KIAA0825: variants seen among roughly 807,000 people sequenced by gnomAD.
The protein encoded by KIAA0825 is KIAA0825.
KIAA0825 carries 119 observed loss-of-function variants against 147.6 expected under a neutral mutation model. The ratio of observed to expected loss-of-function variants is 0.81; its 90% CI spans 0.69 to 0.94. KIAA0825 has a LOEUF of 0.94. KIAA0825 is among the 40% of genes least tolerant of loss of function. KIAA0825 has a pLI of 0.00. For missense variants in KIAA0825, 1,381 were observed against 1,472.7 expected (o/e 0.94, Z 1.02); for synonymous variants, 470 against 518.1 (o/e 0.91, Z 1.26).
rs140099525 is a variant in KIAA0825 at position 94,398,061 on chromosome 5, G to A, written c.2888-1552C>T. Among the ~76,000 whole-genome samples the A allele has an allele frequency of 2.5e-3, 360 of 143,286 alleles. 2 individuals carry two copies. The highest frequency in any genetic ancestry group is 7.1e-3 in the Middle Eastern group (2 of 280). 94.0% of individuals were successfully genotyped at this position (143,286 alleles called of 152,430 possible). A position where few individuals can be genotyped will look rare whatever the true frequency, so the allele number is the denominator to read the frequency against. ...TTAAATGTTCCTTCATACCTAATCC[G>A]TGATCAGCATTGATATATAGTTCTA... On this transcript the variant is annotated intron_variant, in intron 16 of 20. Coordinates refer to ENST00000682413, the MANE Select transcript of KIAA0825 (RefSeq NM_001145678.3).
intron 3 of KIAA0825, among the ~76,000 whole-genome samples, chr5:94,533,485 C>T (rs1228486794): frequency 2.0e-5 from 3 of 151,698 alleles, no homozygotes; most frequent in Non-Finnish European, 4.4e-5. Flanking sequence ...TCATATTGGC[C>T]AGGCTGGTCT....
chr5:94,582,067 T>G (rs1782290486), intron 2 of KIAA0825, among the ~76,000 whole-genome samples: 1 of 152,242 alleles, frequency 6.6e-6, no homozygotes, highest in African/African-American at 2.4e-5. Flanking sequence ...TTCATTCAAT[T>G]CATTGATTTT....
At chr5:94,365,975 T>C (rs145126941) in intron 20 of KIAA0825, among the ~76,000 whole-genome samples, 1 of 152,294 alleles carries the variant, frequency 6.6e-6, no homozygotes, top group African/African-American at 2.4e-5. Context: ...ACCACCCAGA[T>C]TGATAAACTG....
In KIAA0825 at chr5:94,392,154, A is replaced by T. The variant is rs1299674507; in HGVS notation, c.3297-460T>A. Among the ~76,000 whole-genome samples the T allele has an allele frequency of 2.0e-5, 3 of 152,194 alleles. 1 individual carries two copies. The highest frequency in any genetic ancestry group is 7.2e-5 in the African/African-American group (3 of 41,458). On this transcript the variant is annotated intron_variant, in intron 17 of 20. Coordinates refer to ENST00000682413, the MANE Select transcript of KIAA0825 (RefSeq NM_001145678.3). ...CTGTTGTAGAACACATTGAAGACTA[A>T]TTGAAGTGTCAAAAGGGGGAGCCTA... is the stretch of plus-strand genomic sequence containing the variant.
chr5:94,423,531 G>C (rs1466745607), intron 14 of KIAA0825, among the ~76,000 whole-genome samples: 1 of 152,104 alleles, frequency 6.6e-6, no homozygotes, highest in African/African-American at 2.4e-5. Context: ...CACATACATG[G>C]TACACTAGCA....
At chr5:94,246,208 G>T (rs750242817) in intron 20 of KIAA0825, among the ~76,000 whole-genome samples, 1 of 152,112 alleles carries the variant, frequency 6.6e-6, no homozygotes, top group Non-Finnish European at 1.5e-5. Flanking sequence ...CTGGCAGGAA[G>T]AGGCAAAGCA....
intron 16 of KIAA0825, among the ~76,000 whole-genome samples, chr5:94,400,828 G>T (rs1470679118): frequency 6.6e-6 from 1 of 151,978 alleles, no homozygotes; most frequent in Non-Finnish European, 1.5e-5. Context: ...TAAATCTTCA[G>T]TGTTTTTTAA....
In KIAA0825 at chr5:94,205,268, CATATATAT is replaced by C. The variant is rs5869623; in HGVS notation, c.3711-51152_3711-51145del. ...ACTATGATTTCTGTGACTATTTAAT[CATATATAT>C]ATATATATATATATATATATATATT... is the stretch of plus-strand genomic sequence containing the variant. On this transcript the variant is annotated intron_variant, in intron 20 of 20. Transcript: ENST00000682413. 6.4e-4 allele frequency among the ~76,000 whole-genome samples: 58 copies of C among 90,294 alleles called. 1 individual carries two copies. The highest frequency in any genetic ancestry group is 1.8e-3 in the African/African-American group (40 of 22,400). The allele number at this position is 90,294 out of a possible 152,430, so 59.2% of individuals were successfully genotyped here. A position where few individuals can be genotyped will look rare whatever the true frequency, so the allele number is the denominator to read the frequency against.
chr5:94,171,499 G>T (rs983199000), intron 20 of KIAA0825, among the ~76,000 whole-genome samples: 1 of 152,132 alleles, frequency 6.6e-6, no homozygotes, highest in Non-Finnish European at 1.5e-5. Context: ...TGAGGGTAGA[G>T]ACCTTGTTTA....
At chr5:94,321,078 T>C (rs1780138995) in intron 20 of KIAA0825, among the ~76,000 whole-genome samples, 1 of 152,082 alleles carries the variant, frequency 6.6e-6, no homozygotes, top group Admixed American at 6.6e-5. Flanking sequence ...TTTTACTATT[T>C]GACAGTTTGT....
chr5:94,436,073 G>A (rs903771845), intron 14 of KIAA0825, among the ~76,000 whole-genome samples: 1 of 152,058 alleles, frequency 6.6e-6, no homozygotes, highest in African/African-American at 2.4e-5. Context: ...CATTCTATAG[G>A]TTGTCTGTTT....
At chr5:94,499,595 G>GA (rs201572239) in intron 5 of KIAA0825, among the ~76,000 whole-genome samples, 9,521 of 141,980 alleles carry the variant, frequency 0.067, 566 homozygotes, top group Non-Finnish European at 0.1. Flanking sequence ...TGGGGGGGGG[G>GA]GGGGACCAAG....
chr5:94,392,876 T>G (rs1750091288), intron 17 of KIAA0825, among the ~76,000 whole-genome samples: 2 of 152,192 alleles, frequency 1.3e-5, no homozygotes, highest in Admixed American at 1.3e-4. Flanking sequence ...AATCCTACTT[T>G]GACTTAGAGA....
At chr5:94,280,833 A>C (rs78410815) in intron 20 of KIAA0825, among the ~76,000 whole-genome samples, 42 of 152,192 alleles carry the variant, frequency 2.8e-4, no homozygotes, top group African/African-American at 9.6e-4. Context: ...ACAGGTTTGG[A>C]GTTTGGAAAA....
chr5:94,342,894 C>T lies in KIAA0825; in HGVS notation c.3710+41474G>A, dbSNP rs903211134. ...GTCAAAAAATGTTCTAGTAAAATTA[C>T]TAGAATAAGTGAGTTGAGCAAAGAC... On this transcript the variant is annotated intron_variant, in intron 20 of 20. Transcript: ENST00000682413. 2.0e-5 allele frequency among the ~76,000 whole-genome samples: 3 copies of T among 151,980 alleles called. No individual in the cohort carries two copies. The East Asian group carries it at 5.8e-4, about 29-fold the overall frequency.
rs1279921623 is a variant in KIAA0825 at position 94,484,869 on chromosome 5, G to C, written c.1032C>G (p.Phe344Leu). The part of the protein sequence containing the change: ...NFSLPLDKVE[F>L]LSQLIKSFMK... ...TAAAGGATTTTATGAGCTGCGATAA[G>C]AATTCGACTTTGTCTAAAGGGAGAG... Residue 344 changes from phenylalanine (F) to leucine (L), a missense_variant, in exon 6 of 21, where the codon TTC (phenylalanine) becomes TTG (leucine). Phe to Leu is a conservative substitution (Grantham distance 22). Coordinates refer to ENST00000682413, the MANE Select transcript of KIAA0825 (RefSeq NM_001145678.3). 2 of 1,539,706 alleles carry C rather than the reference G, an allele frequency of 1.3e-6. No homozygotes were observed. Among genetic ancestry groups the C allele is most frequent in the Non-Finnish European group, 8.8e-7 (1 of 1,138,718 alleles).
intron 13 of KIAA0825, among the ~76,000 whole-genome samples, chr5:94,448,419 T>C (rs1757992593): frequency 6.6e-6 from 1 of 152,068 alleles, no homozygotes; most frequent in Non-Finnish European, 1.5e-5. Context: ...TTTTTAATTC[T>C]ATTTGTGTCC....
intron 14 of KIAA0825, among the ~76,000 whole-genome samples, chr5:94,439,416 A>AG (rs1186648044): frequency 6.6e-6 from 1 of 152,290 alleles, no homozygotes; most frequent in Non-Finnish European, 1.5e-5. Flanking sequence ...AAGCATTTAA[A>AG]GGGGAAAAAA....
chr5:94,420,670 G>A (rs1754066894), intron 14 of KIAA0825, among the ~76,000 whole-genome samples: 1 of 151,958 alleles, frequency 6.6e-6, no homozygotes, highest in Admixed American at 6.6e-5. Flanking sequence ...TAATATTGAA[G>A]AAGGAATAAA....
Sources: allele counts gnomAD v4.1 joint callset (sites outside exome capture counted in the v4.1 genomes callset), GRCh38; gene constraint gnomAD v4.1.1; transcripts MANE v1.5; gene names NCBI Gene and HGNC (gene_info 2026-07-23, HGNC 2026-07-21).